Variants in WDR89 observed in about 807,000 individuals in gnomAD.
WDR89 encodes WD repeat domain 89.
In WDR89, 17 loss-of-function variants were observed where a neutral mutation model predicts 29.1. That is an observed-to-expected ratio of 0.58 (90% confidence interval 0.40 to 0.88). WDR89 has a LOEUF of 0.88. WDR89 is among the 40% of genes least tolerant of loss of function. The pLI is 0.00. For synonymous variants in WDR89, 138 were observed against 157.8 expected (o/e 0.87, Z 0.94); for missense variants, 396 against 456.3 (o/e 0.87, Z 1.20).
intron 2 of WDR89, among the ~76,000 whole-genome samples, chr14:63,618,602 G>C (rs1321558653): frequency 6.6e-6 from 1 of 151,898 alleles, no homozygotes; most frequent in Non-Finnish European, 1.5e-5. Flanking sequence ...AGAAGAAAGA[G>C]AAAGAATGAA....
chr14:63,626,676 CAAAAAAAAAAAAAAA>C (rs35582220), intron 1 of WDR89, among the ~76,000 whole-genome samples: 348 of 34,608 alleles, frequency 0.01, 6 homozygotes, highest in Admixed American at 0.022. Flanking sequence ...GAGACTGTCT[CAAAAAAAAAAAAAAA>C]AAAAAAAAAA....
Position 63,599,803 on chromosome 14 carries a change from C to CA in WDR89, c.139dup (p.Cys47LeufsTer3), listed in dbSNP as rs1894973001. ...ATATATTCTGATTGATCCATTAGAACATAAAACAGCAACCAAGTTTTCCTT... is the reference window on the plus strand; with the variant it reads ...ATATATTCTGATTGATCCATTAGAACAATAAAACAGCAACCAAGTTTTCCTT... On this transcript the variant is annotated frameshift_variant, in exon 3 of 3. Coordinates refer to ENST00000620954, the MANE Select transcript of WDR89 (RefSeq NM_080666.4). LOFTEE classifies it high-confidence loss of function. The CA allele has an allele frequency of 6.2e-7, 1 of 1,612,644 alleles. No individual in the cohort carries two copies. The highest frequency in any genetic ancestry group is 1.3e-5 in the African/African-American group (1 of 74,356).
intron 2 of WDR89, among the ~76,000 whole-genome samples, chr14:63,609,600 G>A (rs555995476): frequency 4.6e-5 from 7 of 152,260 alleles, no homozygotes; most frequent in South Asian, 2.1e-4. Context: ...GACCAGCCTG[G>A]CCAACATGGT....
chr14:63,641,506 G>A (rs1884135467), intron 1 of WDR89: 1 of 152,252 alleles, frequency 6.6e-6, no homozygotes, highest in Admixed American at 6.5e-5. Flanking sequence ...AATGAGCAAG[G>A]GCGTTTGGCT....
At chr14:63,600,040 A>T in intron 2 of WDR89, 67 bp from the exon 3 acceptor site, 1 of 993,946 alleles carries the variant, frequency 1.0e-6, no homozygotes, top group Non-Finnish European at 1.4e-6. Context: ...AAAAAAATTT[A>T]ACTTGAAGTT....
intron 2 of WDR89, among the ~76,000 whole-genome samples, chr14:63,619,142 ACCT>A (rs1882508959): frequency 6.6e-6 from 1 of 151,706 alleles, no homozygotes; most frequent in South Asian, 2.1e-4. Flanking sequence ...ATGGAGAGAA[ACCT>A]CCTGTTGGGG....
At chr14:63,608,690 A>G (rs1457201808) in intron 2 of WDR89, among the ~76,000 whole-genome samples, 4 of 151,982 alleles carry the variant, frequency 2.6e-5, no homozygotes, top group African/African-American at 9.7e-5. Context: ...ACACACACAC[A>G]CACACACAAA....
intron 1 of WDR89, chr14:63,641,450 T>C (rs1331322344): frequency 6.6e-6 from 1 of 151,924 alleles, no homozygotes; most frequent in Non-Finnish European, 1.5e-5. Context: ...GTGGGGAGAG[T>C]ATCCGTGGAG....
Position 63,636,654 on chromosome 14 carries a change from A to G in WDR89, c.-138+5150T>C, listed in dbSNP as rs141480371. Among the ~76,000 whole-genome samples, 289 of 152,350 alleles carry G rather than the reference A, an allele frequency of 1.9e-3. 1 individual carries two copies. Among genetic ancestry groups the G allele is most frequent in the African/African-American group, 6.3e-3 (262 of 41,586 alleles). ...GATCTTCGACAAAGCAAACAAAAAC[A>G]TAAAGTGGGGAAAGGACACCCTTTT... On this transcript the variant is annotated intron_variant, in intron 1 of 2. Transcript: ENST00000620954.
chr14:63,606,356 T>A (rs1301748328), intron 2 of WDR89, among the ~76,000 whole-genome samples: 2 of 152,212 alleles, frequency 1.3e-5, no homozygotes, highest in Admixed American at 6.5e-5. Context: ...AAGAAAATAT[T>A]TTTGTACAGC....
At chr14:63,600,173 T>C (rs1021535611) in intron 2 of WDR89, among the ~76,000 whole-genome samples, 200 bp from the exon 3 acceptor site, 23 of 152,290 alleles carry the variant, frequency 1.5e-4, no homozygotes, top group African/African-American at 5.1e-4. Flanking sequence ...TAAAACTCAG[T>C]TGCCTTCTAA....
chr14:63,601,411 G>A, intron 2 of WDR89: 2 of 753,946 alleles, frequency 2.7e-6, no homozygotes, highest in African/African-American at 3.5e-5. Context: ...TGGGCTGTAT[G>A]TAGGACAAGT....
intron 1 of WDR89, among the ~76,000 whole-genome samples, chr14:63,638,743 C>T (rs997171131): frequency 6.6e-6 from 1 of 152,204 alleles, no homozygotes; most frequent in Non-Finnish European, 1.5e-5. Context: ...GAAAGTCTAA[C>T]TCAGCAACCA....
chr14:63,601,920 C>T, intron 2 of WDR89: 1 of 467,706 alleles, frequency 2.1e-6, no homozygotes, highest in Non-Finnish European at 3.8e-6. Context: ...TTATAATAAA[C>T]TAAATAACTA....
chr14:63,626,381 T>C (rs893834565), intron 1 of WDR89, among the ~76,000 whole-genome samples: 1 of 151,866 alleles, frequency 6.6e-6, no homozygotes, highest in Non-Finnish European at 1.5e-5. Flanking sequence ...AAAAAGATGT[T>C]CAACCTCAGC....
At chr14:63,635,661 C>A (rs1883687940) in intron 1 of WDR89, among the ~76,000 whole-genome samples, 1 of 152,080 alleles carries the variant, frequency 6.6e-6, no homozygotes, top group Non-Finnish European at 1.5e-5. Context: ...TAAAGGGCAT[C>A]CAAATCAATA....
chr14:63,621,607 G>A (rs1882700117), intron 2 of WDR89, among the ~76,000 whole-genome samples: 2 of 151,900 alleles, frequency 1.3e-5, no homozygotes, highest in African/African-American at 4.8e-5. Context: ...CAAAAAAAAA[G>A]AATTACTACA....
At chr14:63,631,650 G>A (rs1234522221) in intron 1 of WDR89, among the ~76,000 whole-genome samples, 1 of 151,986 alleles carries the variant, frequency 6.6e-6, no homozygotes, top group Non-Finnish European at 1.5e-5. Context: ...CCAGTCTCTT[G>A]TACCTGGGAT....
chr14:63,605,443 G>A (rs774703217), intron 2 of WDR89, among the ~76,000 whole-genome samples: 1 of 151,382 alleles, frequency 6.6e-6, no homozygotes. Context: ...TATGTTACTC[G>A]TTTAAAAGTC....
Sources: gnomAD v4.1 joint callset for allele counts (sites outside exome capture counted in the v4.1 genomes callset) on GRCh38, gnomAD v4.1.1 for gene constraint, MANE v1.5 for transcripts, NCBI Gene and HGNC (gene_info 2026-07-23, HGNC 2026-07-21) for gene names.